TSPAN7: variants seen among roughly 807,000 people sequenced by gnomAD.
TSPAN7 encodes the protein tetraspanin-7.
Under a neutral mutation model 17.6 loss-of-function variants are expected in TSPAN7, and 1 was observed. That is an observed-to-expected ratio of 0.06 (90% CI 0.02 to 0.27). The LOEUF is 0.27. Ranked by LOEUF, TSPAN7 falls within the 10% of genes least tolerant of loss-of-function variation. The probability of loss-of-function intolerance (pLI) is 1.00; values close to 1 mark genes in which losing one functional copy is unlikely to be tolerated. For missense variants in TSPAN7, 112 were observed against 201.7 expected, an observed-to-expected ratio of 0.56 and a Z score of 2.69; for synonymous variants, 78 against 79.0, an observed-to-expected ratio of 0.99 and a Z score of 0.07.
At chrX:38,658,851 G>A (rs1014107934) in intron 1 of TSPAN7, among the ~76,000 whole-genome samples, 4 of 111,372 alleles carry the variant, frequency 3.6e-5, no homozygotes, top group Non-Finnish European at 7.5e-5. Context: ...GCCTGGACCA[G>A]ACGGTCTCTG....
At chrX:38,617,428 G>A (rs1386327498) in intron 1 of TSPAN7, among the ~76,000 whole-genome samples, 1 of 112,684 alleles carries the variant, frequency 8.9e-6, no homozygotes, top group Non-Finnish European at 1.9e-5. Context: ...CCCCTAAAGG[G>A]GGAGGGAAGT....
intron 1 of TSPAN7, among the ~76,000 whole-genome samples, chrX:38,655,146 G>A (rs767218376): frequency 9.0e-6 from 1 of 111,208 alleles, no homozygotes; most frequent in Non-Finnish European, 1.9e-5. Context: ...GCAAAGTCAC[G>A]TATTATTGGA....
intron 1 of TSPAN7, among the ~76,000 whole-genome samples, chrX:38,608,502 T>A (rs1224175207): frequency 9.0e-6 from 1 of 111,334 alleles, no homozygotes; most frequent in Admixed American, 9.6e-5. Flanking sequence ...AAGAACTATG[T>A]GGTAACTTGG....
chrX:38,631,956 T>C (rs749496561), intron 1 of TSPAN7, among the ~76,000 whole-genome samples: 41 of 112,126 alleles, frequency 3.7e-4, no homozygotes, highest in Non-Finnish European at 7.1e-4. Flanking sequence ...ATGCTTTCAA[T>C]AGGTGTAAAA....
chrX:38,603,112 A>G (rs1055125073), intron 1 of TSPAN7, among the ~76,000 whole-genome samples: 2 of 112,190 alleles, frequency 1.8e-5, no homozygotes, highest in Non-Finnish European at 3.8e-5. Flanking sequence ...ATGGGCAAAG[A>G]ATCTAAATAG....
At chrX:38,596,441 G>A (rs944900741) in intron 1 of TSPAN7, among the ~76,000 whole-genome samples, 8 of 111,608 alleles carry the variant, frequency 7.2e-5, no homozygotes, top group African/African-American at 2.6e-4. Context: ...CTTTATATGT[G>A]GAACTGTTGA....
chrX:38,681,827 T>C (rs772704137), intron 6 of TSPAN7, among the ~76,000 whole-genome samples: 1 of 112,106 alleles, frequency 8.9e-6, no homozygotes, highest in African/African-American at 3.2e-5. Flanking sequence ...TCAAATTTTG[T>C]GTATTAAATT....
At chrX:38,640,835 A>T (rs5917610) in intron 1 of TSPAN7, among the ~76,000 whole-genome samples, 61,552 of 111,111 alleles carry the variant, frequency 0.55, 13,697 homozygotes, top group East Asian at 0.93. Context: ...CATCTTCCTA[A>T]GAGCTGAGGC....
intron 1 of TSPAN7, among the ~76,000 whole-genome samples, chrX:38,573,295 T>C (rs1395613489): frequency 9.0e-6 from 1 of 111,620 alleles, no homozygotes; most frequent in Non-Finnish European, 1.9e-5. Context: ...CAGAGTGGTT[T>C]GAACAGGAAC....
At chrX:38,645,553 G>GAA (rs367592185) in intron 1 of TSPAN7, among the ~76,000 whole-genome samples, 87 of 100,668 alleles carry the variant, frequency 8.6e-4, no homozygotes, top group African/African-American at 3.0e-3. Context: ...TGATTTGAAG[G>GAA]AAAAAAAAAA....
At chrX:38,583,949 CTTTTTTT>C (rs34777484) in intron 1 of TSPAN7, among the ~76,000 whole-genome samples, 5 of 66,956 alleles carry the variant, frequency 7.5e-5, no homozygotes, top group African/African-American at 3.1e-4. Flanking sequence ...TTTTTCTTTT[CTTTTTTT>C]TTTTTTTTTT....
At chrX:38,685,429 G>A (rs1404608768) in intron 6 of TSPAN7, among the ~76,000 whole-genome samples, 1 of 111,622 alleles carries the variant, frequency 9.0e-6, no homozygotes, top group Non-Finnish European at 1.9e-5. Flanking sequence ...AGACCAGCCC[G>A]GTCAACATGG....
intron 1 of TSPAN7, among the ~76,000 whole-genome samples, chrX:38,621,596 T>TC (rs1229754323): frequency 8.9e-6 from 1 of 112,269 alleles, no homozygotes; most frequent in African/African-American, 3.2e-5. Flanking sequence ...TTGCAAATTA[T>TC]CCCCTGAACA....
intron 1 of TSPAN7, among the ~76,000 whole-genome samples, chrX:38,597,792 A>G (rs1415240921): frequency 9.0e-6 from 1 of 111,420 alleles, no homozygotes. Flanking sequence ...TGGGTGTCAC[A>G]TTTTCTCTTC....
At chrX:38,666,597 C>CT (rs145226240) in intron 2 of TSPAN7, among the ~76,000 whole-genome samples, 26 of 94,850 alleles carry the variant, frequency 2.7e-4, no homozygotes, top group Admixed American at 7.0e-4. Flanking sequence ...TGTTTCTTTT[C>CT]TTTTTTTTTT....
chrX:38,678,212 T>G (rs1170167688), intron 5 of TSPAN7, among the ~76,000 whole-genome samples: 2 of 112,405 alleles, frequency 1.8e-5, no homozygotes, highest in Non-Finnish European at 3.8e-5. Flanking sequence ...GAAATCCTAC[T>G]TCATAGGGAT....
chrX:38,646,303 T>A (rs2069645689), intron 1 of TSPAN7: 2 of 1,154,264 alleles, frequency 1.7e-6, no homozygotes, highest in Non-Finnish European at 2.3e-6. Context: ...AGGATGTGGC[T>A]ATGGCTTTGG....
chrX:38,573,487 T>C (rs1032604495), intron 1 of TSPAN7, among the ~76,000 whole-genome samples: 6 of 112,066 alleles, frequency 5.4e-5, no homozygotes, highest in Non-Finnish European at 1.9e-5. Context: ...ATAGAGATAG[T>C]GCATAGAGTT....
intron 1 of TSPAN7, among the ~76,000 whole-genome samples, chrX:38,636,957 A>C (rs1344959901): frequency 8.9e-6 from 1 of 112,186 alleles, no homozygotes; most frequent in East Asian, 2.8e-4. Context: ...GCCTGGCCGG[A>C]TTTCTTTTTG....
Sources: gnomAD v4.1 joint callset for allele counts (sites outside exome capture counted in the v4.1 genomes callset) on GRCh38, gnomAD v4.1.1 for gene constraint, MANE v1.5 for transcripts, NCBI Gene and HGNC (gene_info 2026-07-23, HGNC 2026-07-21) for gene names.